Variants in CNGA1 observed in about 807,000 individuals in gnomAD.
The protein encoded by CNGA1 is cyclic nucleotide-gated channel alpha-1.
A neutral mutation model predicts 69.7 loss-of-function variants in CNGA1; 53 were observed. That is an observed-to-expected ratio of 0.76 (90% CI 0.61 to 0.96). The LOEUF (loss-of-function observed/expected upper bound fraction) is 0.96, where lower values mean the gene tolerates loss of function less well. Ranked by LOEUF, CNGA1 falls within the 40% of genes least tolerant of loss-of-function variation. The pLI is 0.00. For synonymous variants in CNGA1, 249 were observed against 283.5 expected (o/e 0.88, Z 1.22); for missense variants, 739 against 811.2 (o/e 0.91, Z 1.08).
At chr4:47,939,391 C>G (rs1293055268) in intron 10 of CNGA1, among the ~76,000 whole-genome samples, 1 of 152,216 alleles carries the variant, frequency 6.6e-6, no homozygotes, top group Non-Finnish European at 1.5e-5. Context: ...CGACTTTGCC[C>G]TATGTATCTC....
chr4:47,958,792 G>A (rs1560291832), intron 3 of CNGA1, among the ~76,000 whole-genome samples: 1 of 152,094 alleles, frequency 6.6e-6, no homozygotes, highest in African/African-American at 2.4e-5. Context: ...AGTTCATACA[G>A]GAGCTCTTGA....
chr4:47,954,806 AG>A (rs574707487), intron 3 of CNGA1, among the ~76,000 whole-genome samples: 2 of 152,262 alleles, frequency 1.3e-5, no homozygotes, highest in East Asian at 3.9e-4. Flanking sequence ...GCCTTTTTGA[AG>A]GGGGGGTAAA....
intron 10 of CNGA1, among the ~76,000 whole-genome samples, chr4:47,940,018 C>CA (rs1181677847): frequency 2.0e-5 from 3 of 152,180 alleles, no homozygotes. Flanking sequence ...CCCTTAGACA[C>CA]TTGGGATCTT....
rs1197573723 is a variant in CNGA1 at position 47,936,966 on chromosome 4, CT to C, written c.1515del (p.Asp507IlefsTer28). ...ATGTACATCTCTCGTCCGATATCCC[CT>C]TTCTTGCAAATATAATCTCCAGGAC... The part of the protein sequence containing the change: ...VYSPGDYICK[K>X]GDIGREMYII... On this transcript the variant is annotated frameshift_variant, in exon 11 of 11. Coordinates refer to ENST00000514170, the MANE Select transcript of CNGA1 (RefSeq NM_001379270.1). LOFTEE classifies it high-confidence loss of function. 6.2e-7 allele frequency: 1 copy of C among 1,613,944 alleles called. No homozygotes were observed. The highest frequency in any genetic ancestry group is 1.3e-5 in the African/African-American group (1 of 75,044).
At chr4:47,991,759 GA>G (rs2110235405) in intron 2 of CNGA1, among the ~76,000 whole-genome samples, 1 of 152,210 alleles carries the variant, frequency 6.6e-6, no homozygotes, top group Non-Finnish European at 1.5e-5. Flanking sequence ...TGTCTAGAAG[GA>G]TTTTTTCAAT....
intron 10 of CNGA1, among the ~76,000 whole-genome samples, chr4:47,939,611 C>T (rs1738941884): frequency 6.6e-6 from 1 of 152,158 alleles, no homozygotes. Context: ...GGGGGATCAT[C>T]TTGGGAGACT....
At chr4:48,002,508 A>G (rs932366034) in intron 2 of CNGA1, among the ~76,000 whole-genome samples, 4 of 151,968 alleles carry the variant, frequency 2.6e-5, no homozygotes, top group Non-Finnish European at 4.4e-5. Context: ...GGGGTTTTTC[A>G]AAGGCAGTTT....
rs191410904 is a variant in CNGA1, at chr4:47,963,535, C to T, written c.-14-10832G>A. Among the ~76,000 whole-genome samples the T allele has an allele frequency of 2.7e-3, 407 of 152,228 alleles. 2 individuals carry two copies. The highest frequency in any genetic ancestry group is 0.014 in the Middle Eastern group (4 of 294). On this transcript the variant is annotated intron_variant, in intron 3 of 10. Coordinates refer to ENST00000514170, the MANE Select transcript of CNGA1 (RefSeq NM_001379270.1). ...TCTTTAGGAAATTCATCTTATTTTCCTGAATAACATTTGCTTCACAAACTG... is the reference window on the plus strand; with the variant it reads ...TCTTTAGGAAATTCATCTTATTTTCTTGAATAACATTTGCTTCACAAACTG...
chr4:47,985,023 A>G (rs1741922603), intron 2 of CNGA1, among the ~76,000 whole-genome samples: 1 of 152,144 alleles, frequency 6.6e-6, no homozygotes, highest in African/African-American at 2.4e-5. Context: ...CTGAGTTTGA[A>G]TCTCAGCTCT....
chr4:47,952,408 T>A (rs1367459099), intron 4 of CNGA1, among the ~76,000 whole-genome samples, 175 bp downstream of exon 4: 1 of 145,744 alleles, frequency 6.9e-6, no homozygotes, highest in South Asian at 2.1e-4. Context: ...AATAAATAAA[T>A]AAAATCTATG....
At chr4:47,953,341 C>T (rs1182824595) in intron 3 of CNGA1, among the ~76,000 whole-genome samples, 1 of 152,142 alleles carries the variant, frequency 6.6e-6, no homozygotes, top group African/African-American at 2.4e-5. Flanking sequence ...TTGAAATACT[C>T]AAGCAATGTA....
At chr4:47,983,918 G>C (rs954146867) in intron 2 of CNGA1, among the ~76,000 whole-genome samples, 16 of 152,214 alleles carry the variant, frequency 1.1e-4, no homozygotes, top group African/African-American at 3.6e-4. Flanking sequence ...TTCACACCCA[G>C]AGAGGGTTAC....
chr4:47,957,892 ATTTTT>A (rs544231975), intron 3 of CNGA1, among the ~76,000 whole-genome samples: 1 of 121,230 alleles, frequency 8.2e-6, no homozygotes, highest in Non-Finnish European at 1.7e-5. Context: ...TGTGTTTGTA[ATTTTT>A]TTTTTTTTTT....
At chr4:47,966,859 C>T (rs536681022) in intron 3 of CNGA1, among the ~76,000 whole-genome samples, 1 of 152,174 alleles carries the variant, frequency 6.6e-6, no homozygotes, top group African/African-American at 2.4e-5. Flanking sequence ...AGGAGAGAAA[C>T]CAAATGTTGA....
At chr4:47,974,071 GATAGATAGATAGATAGATAGA>G (rs1741202751) in intron 3 of CNGA1, among the ~76,000 whole-genome samples, 2 of 49,378 alleles carry the variant, frequency 4.1e-5, no homozygotes, top group South Asian at 7.0e-4. Context: ...CTGGTCTCTA[GATAGATAGATAGATAGATAGA>G]TAGATAGATA....
chr4:47,940,617 T>C, intron 10 of CNGA1, 146 bp downstream of exon 10: 1 of 637,590 alleles, frequency 1.6e-6, no homozygotes, highest in Non-Finnish European at 2.8e-6. Context: ...TTATACATCG[T>C]GACTCTTGCC....
At chr4:47,944,053 A>T (rs1739254667) in intron 6 of CNGA1, among the ~76,000 whole-genome samples, 1 of 152,254 alleles carries the variant, frequency 6.6e-6, no homozygotes, top group Non-Finnish European at 1.5e-5. Flanking sequence ...ACCTAGGGTT[A>T]TAGCAGGCTG....
intron 8 of CNGA1, chr4:47,942,865 C>T (rs1965804): frequency 0.35 from 72,394 of 207,032 alleles, 14,772 homozygotes; most frequent in Non-Finnish European, 0.44. Context: ...CCTAATCCTC[C>T]TTGGAACCTA....
At chr4:47,951,314 G>T (rs765184863) in intron 5 of CNGA1, 39 bp downstream of exon 5, 7 of 1,332,682 alleles carry the variant, frequency 5.3e-6, no homozygotes, top group Non-Finnish European at 7.6e-6. Context: ...AGCATAAATG[G>T]TTAAAAACAA....
Sources: gnomAD v4.1 joint callset for allele counts (sites outside exome capture counted in the v4.1 genomes callset) on GRCh38, gnomAD v4.1.1 for gene constraint, MANE v1.5 for transcripts, NCBI Gene and HGNC (gene_info 2026-07-23, HGNC 2026-07-21) for gene names.